Variants in UHRF1 observed in about 807,000 individuals in gnomAD.
The protein encoded by UHRF1 is ubiquitin like with PHD and ring finger domains 1.
In UHRF1, 9 loss-of-function variants were observed where a neutral mutation model predicts 96.5. The ratio of observed to expected loss-of-function variants is 0.09; its 90% confidence interval spans 0.06 to 0.16. The LOEUF (loss-of-function observed/expected upper bound fraction) is 0.16. Ranked by LOEUF, UHRF1 falls within the 10% of genes least tolerant of loss-of-function variation. The pLI is 1.00. For missense variants in UHRF1, 626 were observed against 1,131.1 expected (o/e 0.55, Z 6.40); for synonymous variants, 455 against 469.9 (o/e 0.97, Z 0.41).
At chr19:4,950,289 G>C (rs1171127293) in intron 11 of UHRF1, among the ~76,000 whole-genome samples, 9 of 151,196 alleles carry the variant, frequency 6.0e-5, no homozygotes, top group Non-Finnish European at 1.3e-4. Flanking sequence ...TGTCACCCAG[G>C]CTGGAGTGCA....
At chr19:4,928,424 C>T (rs1262640542) in intron 2 of UHRF1, among the ~76,000 whole-genome samples, 4 of 152,092 alleles carry the variant, frequency 2.6e-5, no homozygotes, top group Non-Finnish European at 2.9e-5. Context: ...GCCTCGGCTT[C>T]TCCAGCCCCC....
chr19:4,911,165 C>T, intron 2 of UHRF1, 127 bp downstream of exon 2: 5 of 912,960 alleles, frequency 5.5e-6, no homozygotes, highest in Non-Finnish European at 7.8e-6. Context: ...CTTCATCTCT[C>T]CCGGAAGGAG....
chr19:4,930,941 G>C lies in UHRF1; in HGVS notation c.569+65G>C. 2 of 1,595,310 alleles carry C rather than the reference G, an allele frequency of 1.3e-6. No individual in the cohort carries two copies. The highest frequency in any genetic ancestry group is 1.7e-5 in the Admixed American group (1 of 59,584). On this transcript the variant is annotated intron_variant, in intron 4 of 16. Coordinates refer to ENST00000650932, the MANE Select transcript of UHRF1 (RefSeq NM_001048201.3). This position sits in a 1 kb window ranked among gnomAD's most constrained non-coding sequence, Gnocchi z 4.4. ...CTGTGACGCGCATCCTTGGCTGCGGGTGTTCAGGCCAGAGCTTGGCACTGT... is the reference window on the plus strand; with the variant it reads ...CTGTGACGCGCATCCTTGGCTGCGGCTGTTCAGGCCAGAGCTTGGCACTGT...
At chr19:4,934,140 C>T (rs2033147763) in intron 5 of UHRF1, among the ~76,000 whole-genome samples, 1 of 151,816 alleles carries the variant, frequency 6.6e-6, no homozygotes, top group Non-Finnish European at 1.5e-5. Flanking sequence ...TCTCCTGCCT[C>T]AGCCTCCCAA....
upstream of UHRF1, among the ~76,000 whole-genome samples, chr19:4,907,511 C>T (rs1426579878): frequency 6.6e-6 from 1 of 152,100 alleles, no homozygotes; most frequent in African/African-American, 2.4e-5. Context: ...CTCCAGTTAT[C>T]TGCCTGCCTC....
At chr19:4,933,073 G>A (rs1599267537) in intron 5 of UHRF1, 117 bp downstream of exon 5, 22 of 1,169,466 alleles carry the variant, frequency 1.9e-5, no homozygotes, top group South Asian at 1.2e-4. Context: ...CTTAGCCTCC[G>A]GCCTGGCCTT....
intron 2 of UHRF1, among the ~76,000 whole-genome samples, chr19:4,919,546 CCCGCCT>C (rs2032635284): frequency 6.6e-6 from 1 of 152,060 alleles, no homozygotes; most frequent in Non-Finnish European, 1.5e-5. Flanking sequence ...TCATGATCCA[CCCGCCT>C]CCGCCTCCCA....
chr19:4,934,388 A>G (rs2033155954), intron 5 of UHRF1, among the ~76,000 whole-genome samples: 1 of 152,108 alleles, frequency 6.6e-6, no homozygotes, highest in African/African-American at 2.4e-5. Context: ...CATTAAACGC[A>G]TTTACGTTGT....
chr19:4,958,094 G>A (rs927731363), intron 16 of UHRF1, among the ~76,000 whole-genome samples: 2 of 152,220 alleles, frequency 1.3e-5, no homozygotes, highest in East Asian at 3.9e-4. Context: ...AGGAGATGGG[G>A]TGTTCCCAGT....
At chr19:4,909,192 G>A, upstream of UHRF1, 1 of 440,074 alleles carries the variant, frequency 2.3e-6, no homozygotes, top group Non-Finnish European at 4.1e-6. Flanking sequence ...GAACGGACTT[G>A]GACTTAAGAG....
intron 2 of UHRF1, among the ~76,000 whole-genome samples, chr19:4,922,356 C>T (rs577252809): frequency 6.6e-6 from 1 of 151,172 alleles, no homozygotes; most frequent in Non-Finnish European, 1.5e-5. Context: ...AACTCTGCCT[C>T]CTGGGTTCAA....
chr19:4,922,126 T>C lies in UHRF1; in HGVS notation c.154-7096T>C, dbSNP rs376237303. Among the ~76,000 whole-genome samples the C allele has an allele frequency of 9.8e-4, 149 of 152,218 alleles. 3 individuals are homozygous for C. The South Asian group carries it at 0.025, about 26-fold the overall frequency. On this transcript the variant is annotated intron_variant, in intron 2 of 16. Coordinates refer to ENST00000650932, the MANE Select transcript of UHRF1 (RefSeq NM_001048201.3). ...CACACCCAGCTAATTTTTGTATTTT[T>C]AGTAGAGATGGAGTCTCACCATGTT...
chr19:4,957,975 G>A (rs2033901801), intron 16 of UHRF1, among the ~76,000 whole-genome samples: 1 of 152,236 alleles, frequency 6.6e-6, no homozygotes, highest in South Asian at 2.1e-4. Flanking sequence ...TGAGTTGCTG[G>A]CGGTTTTCCT....
intron 2 of UHRF1, among the ~76,000 whole-genome samples, chr19:4,925,920 G>T (rs10424661): frequency 6.6e-6 from 1 of 151,080 alleles, no homozygotes; most frequent in Non-Finnish European, 1.5e-5. Flanking sequence ...TTTTTGAGAC[G>T]GAGTTTTGCT....
intron 2 of UHRF1, among the ~76,000 whole-genome samples, chr19:4,912,647 G>A (rs560376599): frequency 6.6e-6 from 1 of 152,100 alleles, no homozygotes; most frequent in Non-Finnish European, 1.5e-5. Flanking sequence ...CCATCTTTTT[G>A]GGATGCATTT....
chr19:4,913,003 C>T lies in UHRF1; in HGVS notation c.153+1965C>T, dbSNP rs2146285117. 1.3e-5 allele frequency among the ~76,000 whole-genome samples: 2 copies of T among 152,248 alleles called. 1 individual carries two copies. The highest frequency in any genetic ancestry group is 4.1e-4 in the South Asian group (2 of 4,826). ...TCCTGGGCTCAAGTGACCCTCCTGC[C>T]TTGGCCTCTCAAAGTTTTGGGGTTA... is the stretch of plus-strand genomic sequence containing the variant. On this transcript the variant is annotated intron_variant, in intron 2 of 16. Coordinates refer to ENST00000650932, the MANE Select transcript of UHRF1 (RefSeq NM_001048201.3).
chr19:4,903,907 T>G (rs1599225546), intron 1 of UHRF1, among the ~76,000 whole-genome samples: 2 of 152,284 alleles, frequency 1.3e-5, no homozygotes, highest in South Asian at 4.1e-4. Flanking sequence ...CGCACTGAAG[T>G]TGATCAGGGC....
At chr19:4,941,460 T>G (rs2033396907) in intron 5 of UHRF1, 68 bp from the exon 6 acceptor site, 2 of 1,286,940 alleles carry the variant, frequency 1.6e-6, no homozygotes, top group Non-Finnish European at 2.2e-6. Flanking sequence ...CCCGTGGTGT[T>G]CAAGTGCTGT....
upstream of UHRF1, among the ~76,000 whole-genome samples, chr19:4,906,168 G>C (rs2032059873): frequency 6.6e-6 from 1 of 152,152 alleles, no homozygotes; most frequent in African/African-American, 2.4e-5. Flanking sequence ...TTGTAGAGAA[G>C]GGTTCTCACT....
Sources: allele counts gnomAD v4.1 joint callset (sites outside exome capture counted in the v4.1 genomes callset), GRCh38; gene constraint gnomAD v4.1.1; non-coding constraint Gnocchi (gnomAD v3.1); transcripts MANE v1.5; gene names NCBI Gene and HGNC (gene_info 2026-07-23, HGNC 2026-07-21).